PARD3B: variants seen among roughly 807,000 people sequenced by gnomAD.
The protein encoded by PARD3B is par-3 family cell polarity regulator beta.
Under a neutral mutation model 130.2 loss-of-function variants are expected in PARD3B, and 103 were observed. The ratio of observed to expected loss-of-function variants is 0.79; its 90% confidence interval spans 0.67 to 0.93. The LOEUF (loss-of-function observed/expected upper bound fraction) is 0.93, where lower values mean the gene tolerates loss of function less well. Ranked by LOEUF, PARD3B falls within the 40% of genes least tolerant of loss-of-function variation. The pLI is 0.00. For missense variants in PARD3B, 1,609 were observed against 1,499.2 expected, an observed-to-expected ratio of 1.07 and a Z score of -1.21; for synonymous variants, 583 against 553.2, an observed-to-expected ratio of 1.05 and a Z score of -0.76.
At chr2:204,787,869 C>T (rs757728690) in intron 2 of PARD3B, among the ~76,000 whole-genome samples, 4 of 152,118 alleles carry the variant, frequency 2.6e-5, no homozygotes, top group Non-Finnish European at 5.9e-5. Flanking sequence ...GTCCCATTTT[C>T]CAGTTTTCTG....
intron 1 of PARD3B, among the ~76,000 whole-genome samples, chr2:204,569,937 C>T (rs747974795): frequency 2.0e-5 from 3 of 152,072 alleles, no homozygotes; most frequent in Admixed American, 6.6e-5. Flanking sequence ...TTTCTCTGAA[C>T]GTTTGCCATC....
chr2:205,324,486 C>A (rs1374455134), intron 18 of PARD3B, among the ~76,000 whole-genome samples: 1 of 152,048 alleles, frequency 6.6e-6, no homozygotes, highest in Non-Finnish European at 1.5e-5. Context: ...AATTTCCTTT[C>A]TTGAAAGGGC....
chr2:204,625,026 T>C (rs2034437774), intron 1 of PARD3B, among the ~76,000 whole-genome samples: 1 of 152,232 alleles, frequency 6.6e-6, no homozygotes, highest in Non-Finnish European at 1.5e-5. Flanking sequence ...TGCCTTCAGC[T>C]AAATCTTTCT....
At chr2:205,027,400 A>G (rs1450212603) in intron 3 of PARD3B, among the ~76,000 whole-genome samples, 1 of 152,130 alleles carries the variant, frequency 6.6e-6, no homozygotes, top group Non-Finnish European at 1.5e-5. Flanking sequence ...GCCCATTATT[A>G]AATCTGGTTA....
rs1368464333 is a variant in PARD3B at position 204,546,126 on chromosome 2, G to A, written c.120+7G>A. ...CCTGAAGACCCGGGAGAAGGTGAGCGCGGCGCGGAGGAGTGGGGCGCGGCT... is the reference window on the plus strand; with the variant it reads ...CCTGAAGACCCGGGAGAAGGTGAGCACGGCGCGGAGGAGTGGGGCGCGGCT... On this transcript the variant is annotated splice_region_variant and intron_variant, in intron 1 of 22. Coordinates refer to ENST00000406610, the MANE Select transcript of PARD3B (RefSeq NM_001302769.2). 6.4e-7 allele frequency: 1 copy of A among 1,552,734 alleles called. No homozygotes were observed. The highest frequency in any genetic ancestry group is 2.4e-5 in the East Asian group (1 of 41,044).
chr2:205,036,913 A>G (rs1441907988), intron 3 of PARD3B, among the ~76,000 whole-genome samples: 1 of 151,296 alleles, frequency 6.6e-6, no homozygotes, highest in African/African-American at 2.4e-5. Flanking sequence ...TATATAGCGG[A>G]CTGTATATAT....
intron 2 of PARD3B, among the ~76,000 whole-genome samples, chr2:204,932,999 CA>C (rs1372646570): frequency 6.6e-6 from 1 of 152,128 alleles, no homozygotes; most frequent in African/African-American, 2.4e-5. Context: ...TCCTGTATGG[CA>C]AAATTCAAGA....
intron 15 of PARD3B, among the ~76,000 whole-genome samples, chr2:205,233,947 C>A (rs1009918583): frequency 6.6e-6 from 1 of 152,140 alleles, no homozygotes; most frequent in African/African-American, 2.4e-5. Context: ...GATGAACTGT[C>A]TGTAAGTCTA....
intron 3 of PARD3B, among the ~76,000 whole-genome samples, chr2:204,981,624 A>G (rs898472357): frequency 7.2e-5 from 11 of 152,258 alleles, no homozygotes; most frequent in African/African-American, 2.2e-4. Context: ...CTGGGAATGT[A>G]GCAGTAAACA....
chr2:204,654,149 A>G (rs1222928082), intron 1 of PARD3B, among the ~76,000 whole-genome samples: 1 of 151,182 alleles, frequency 6.6e-6, no homozygotes, highest in Non-Finnish European at 1.5e-5. Context: ...AGTCTTAGAA[A>G]GGTGAGCTTT....
chr2:204,644,349 G>A (rs1451469047), intron 1 of PARD3B, among the ~76,000 whole-genome samples: 1 of 152,134 alleles, frequency 6.6e-6, no homozygotes, highest in Non-Finnish European at 1.5e-5. Context: ...GATTTTGTAT[G>A]GGTGTGTGGG....
intron 22 of PARD3B, among the ~76,000 whole-genome samples, chr2:205,601,282 A>G (rs1444318816): frequency 2.0e-5 from 3 of 151,990 alleles, no homozygotes; most frequent in Non-Finnish European, 4.4e-5. Flanking sequence ...TCATATGTTT[A>G]TTGACCACAT....
At chr2:204,688,361 C>G (rs750825360) in intron 2 of PARD3B, among the ~76,000 whole-genome samples, 1 of 151,872 alleles carries the variant, frequency 6.6e-6, no homozygotes, top group Non-Finnish European at 1.5e-5. Flanking sequence ...GGGTGGATCA[C>G]GAGGTCAGGA....
chr2:204,545,994 GC>G lies in PARD3B; in HGVS notation c.-4del. The G allele has an allele frequency of 1.3e-6, 2 of 1,559,498 alleles. No homozygotes were observed. Among genetic ancestry groups the G allele is most frequent in the Non-Finnish European group, 1.7e-6 (2 of 1,151,824 alleles). On this transcript the variant is annotated 5_prime_UTR_variant, in exon 1 of 23. Coordinates refer to ENST00000406610, the MANE Select transcript of PARD3B (RefSeq NM_001302769.2). ...GCCCGGCCCGGCGTGGTCGCCGGGG[GC>G]CAGGATGAAAGTGACCGTGTGCTTC...
chr2:205,480,105 A>T (rs1157344893), intron 20 of PARD3B, among the ~76,000 whole-genome samples: 1 of 151,936 alleles, frequency 6.6e-6, no homozygotes, highest in Non-Finnish European at 1.5e-5. Context: ...GGGTTTCACC[A>T]TGTTGACCAG....
At chr2:204,742,723 A>T (rs542341913) in intron 2 of PARD3B, among the ~76,000 whole-genome samples, 1 of 152,190 alleles carries the variant, frequency 6.6e-6, no homozygotes, top group South Asian at 2.1e-4. Context: ...ACTTGTCACT[A>T]ACTTGATCTG....
intron 21 of PARD3B, among the ~76,000 whole-genome samples, chr2:205,502,584 T>A (rs184593430): frequency 6.6e-6 from 1 of 152,242 alleles, no homozygotes; most frequent in Admixed American, 6.5e-5. Flanking sequence ...CCAGAGTCTC[T>A]GGTTGAAAGG....
intron 2 of PARD3B, among the ~76,000 whole-genome samples, chr2:204,729,925 A>T (rs1331850092): frequency 6.6e-6 from 1 of 151,322 alleles, no homozygotes; most frequent in Non-Finnish European, 1.5e-5. Flanking sequence ...AGGATTATTG[A>T]TTCCTCCTTT....
At chr2:205,379,051 C>T (rs1438146383) in intron 18 of PARD3B, among the ~76,000 whole-genome samples, 1 of 151,420 alleles carries the variant, frequency 6.6e-6, no homozygotes, top group Non-Finnish European at 1.5e-5. Flanking sequence ...ATCAGGAAGC[C>T]ACGAAAAAAA....
Sources: allele counts gnomAD v4.1 joint callset (sites outside exome capture counted in the v4.1 genomes callset), GRCh38; gene constraint gnomAD v4.1.1; transcripts MANE v1.5; gene names NCBI Gene and HGNC (gene_info 2026-07-23, HGNC 2026-07-21).